Variants in PSMG2 observed in about 807,000 individuals in gnomAD.
The protein encoded by PSMG2 is proteasome assembly chaperone 2, also known as CD40 ligand-activated specific transcript 3.
PSMG2 carries 21 observed loss-of-function variants against 31.5 expected under a neutral mutation model. That is an observed-to-expected ratio of 0.67 (90% CI 0.47 to 0.96). The LOEUF (loss-of-function observed/expected upper bound fraction) is 0.96. Among genes scored for constraint, PSMG2 ranks in the 40% least tolerant of loss-of-function variants. The probability of loss-of-function intolerance (pLI) is 0.00; values close to 1 mark genes in which losing one functional copy is unlikely to be tolerated. For synonymous variants in PSMG2, 120 were observed against 110.4 expected (o/e 1.09, Z -0.54); for missense variants, 318 against 321.2 (o/e 0.99, Z 0.08).
chr18:12,674,571 A>G (rs755892403), intron 1 of PSMG2: 4 of 1,614,056 alleles, frequency 2.5e-6, no homozygotes, highest in East Asian at 2.2e-5. Flanking sequence ...TTGCATTTCT[A>G]TACACAAAAT....
chr18:12,684,531 A>AG (rs2039471036), intron 1 of PSMG2: 1 of 149,890 alleles, frequency 6.7e-6, no homozygotes, highest in African/African-American at 2.5e-5. Flanking sequence ...CCCACACTGG[A>AG]GTGCGATGGC....
rs55818117 is a variant in PSMG2, at chr18:12,671,530, T to C, written c.-37+12757T>C. Among the ~76,000 whole-genome samples, 1,007 of 152,148 alleles carry C rather than the reference T, an allele frequency of 6.6e-3. 10 individuals are homozygous for C. Among genetic ancestry groups the C allele is most frequent in the African/African-American group, 0.022 (928 of 41,562 alleles). On this transcript the variant is annotated intron_variant, in intron 1 of 6. Coordinates refer to the PSMG2 transcript ENST00000585331. ...CCCCTCATATCATGTATTATGCAGC[T>C]TCTTGCAAAAAGTTGAATTGCTACT...
At chr18:12,707,751 T>G (rs1022642657) in intron 2 of PSMG2, among the ~76,000 whole-genome samples, 1 of 152,200 alleles carries the variant, frequency 6.6e-6, no homozygotes, top group Non-Finnish European at 1.5e-5. Context: ...CATTTTAAGG[T>G]CAAATCCAGA....
At position 12,718,526 on chromosome 18, in the gene PSMG2, A is replaced by G. The variant is rs775055883; in HGVS notation, c.298A>G (p.Lys100Glu). The G allele has an allele frequency of 6.2e-7, 1 of 1,605,966 alleles. No individual in the cohort carries two copies. Among genetic ancestry groups the G allele is most frequent in the South Asian group, 1.1e-5 (1 of 90,016 alleles). Reference sequence around the variant, plus strand: ...TCAATGGTGTGCAAAGTATAAATCAAAGCCATTCTGTGAAAAACTGCTTTC... The same window carrying G: ...TCAATGGTGTGCAAAGTATAAATCAGAGCCATTCTGTGAAAAACTGCTTTC... ...LRSIFIKYKS[K>E]PFCEKLLSWV... Residue 100 changes from lysine to glutamate, a missense_variant, in exon 4 of 7, where the codon AAG becomes GAG. Physicochemically the swap from Lys to Glu is moderately conservative, Grantham distance 56. Transcript: ENST00000317615.
At chr18:12,716,586 G>A (rs574441662) in intron 3 of PSMG2, among the ~76,000 whole-genome samples, 1 of 151,764 alleles carries the variant, frequency 6.6e-6, no homozygotes, top group Non-Finnish European at 1.5e-5. Context: ...AGTAGAGACG[G>A]GGTTTCACCG....
rs147359201 is a variant in PSMG2, at chr18:12,682,722, G to A, written c.-36-23828G>A. 2.6e-3 allele frequency among the ~76,000 whole-genome samples: 392 copies of A among 151,834 alleles called. 1 individual carries two copies. Among genetic ancestry groups the A allele is most frequent in the African/African-American group, 9.0e-3 (374 of 41,418 alleles). On this transcript the variant is annotated intron_variant, in intron 1 of 6. Transcript: ENST00000585331. ...CGGCTCACTACAACCTCCTCCTCCC[G>A]GGTTCCAATGATTCTCAGCCTCCTG...
upstream of PSMG2, chr18:12,698,669 G>A: frequency 8.3e-6 from 2 of 241,780 alleles, 1 homozygote; most frequent in Non-Finnish European, 1.6e-5. Flanking sequence ...GAAGGACCAT[G>A]TCTCATTTTC....
intron 1 of PSMG2, among the ~76,000 whole-genome samples, chr18:12,661,023 G>C (rs563610128): frequency 6.6e-6 from 1 of 152,100 alleles, no homozygotes; most frequent in Non-Finnish European, 1.5e-5. Context: ...GTTTTGATAA[G>C]CTGGCCAGGC....
intron 3 of PSMG2, among the ~76,000 whole-genome samples, chr18:12,716,681 A>C (rs2040379992): frequency 6.6e-6 from 1 of 152,196 alleles, no homozygotes; most frequent in Non-Finnish European, 1.5e-5. Context: ...GGCGTGAGCC[A>C]CCGTGCCTGG....
At chr18:12,680,393 C>T (rs62096020) in intron 1 of PSMG2, among the ~76,000 whole-genome samples, 42 of 151,836 alleles carry the variant, frequency 2.8e-4, no homozygotes, top group African/African-American at 8.9e-4. Flanking sequence ...GTCAGGAGTT[C>T]GAGACCAGCC....
intron 4 of PSMG2, among the ~76,000 whole-genome samples, chr18:12,719,715 CT>C (rs535226724): frequency 3.3e-4 from 36 of 110,764 alleles, no homozygotes; most frequent in Admixed American, 8.5e-4. Flanking sequence ...TTTTTTTCCT[CT>C]TTTTTTTTTT....
intron 1 of PSMG2, chr18:12,658,798 T>C: frequency 3.2e-6 from 1 of 314,024 alleles, no homozygotes; most frequent in Non-Finnish European, 6.5e-6. Flanking sequence ...GACGGGGATC[T>C]TTACGGGTTT....
chr18:12,678,130 G>C, intron 1 of PSMG2: 7 of 1,612,618 alleles, frequency 4.3e-6, no homozygotes, highest in Non-Finnish European at 5.9e-6. Flanking sequence ...CTGACACCAG[G>C]AGCCTCAGCT....
chr18:12,680,985 C>T (rs569451676), intron 1 of PSMG2, among the ~76,000 whole-genome samples: 3 of 152,004 alleles, frequency 2.0e-5, no homozygotes, highest in South Asian at 4.2e-4. Context: ...GATCACATGA[C>T]GTCAGGAGTT....
intron 1 of PSMG2, among the ~76,000 whole-genome samples, chr18:12,662,776 CA>C (rs1018478813): frequency 3.3e-5 from 5 of 151,140 alleles, no homozygotes; most frequent in African/African-American, 9.7e-5. Context: ...GACCTTGTCT[CA>C]AAAAAAAGAA....
chr18:12,691,265 AAT>A (rs1375118794), intron 1 of PSMG2: 20 of 778,580 alleles, frequency 2.6e-5, no homozygotes, highest in Non-Finnish European at 3.6e-5. Flanking sequence ...TATTTTTTGG[AAT>A]ACATTTTACA....
At chr18:12,677,974 GC>G in intron 1 of PSMG2, 1 of 627,232 alleles carries the variant, frequency 1.6e-6, no homozygotes, top group East Asian at 2.8e-5. Context: ...AAAATTATAA[GC>G]TTCATAATAG....
At chr18:12,675,844 T>C (rs2039109584) in intron 1 of PSMG2, among the ~76,000 whole-genome samples, 1 of 151,868 alleles carries the variant, frequency 6.6e-6, no homozygotes, top group Non-Finnish European at 1.5e-5. Flanking sequence ...AATTTTTGTA[T>C]TTTTAGTAGA....
upstream of PSMG2, chr18:12,702,817 C>G: frequency 1.8e-6 from 1 of 560,346 alleles, no homozygotes; most frequent in Non-Finnish European, 3.1e-6. Context: ...CGTTTCCGCC[C>G]GCCGCTCCAC....
Sources: allele counts gnomAD v4.1 joint callset (sites outside exome capture counted in the v4.1 genomes callset), GRCh38; gene constraint gnomAD v4.1.1; transcripts MANE v1.5; gene names NCBI Gene and HGNC (gene_info 2026-07-23, HGNC 2026-07-21).